The following TMEM131 variants were observed in gnomAD, a reference collection of about 807,000 sequenced individuals.
The protein encoded by TMEM131 is 2610524E03Rik.
TMEM131 carries 66 observed loss-of-function variants against 211.6 expected under a neutral mutation model. The observed-to-expected ratio is 0.31, with a 90% CI of 0.26 to 0.38. TMEM131 has a LOEUF of 0.38. TMEM131 is among the 10% of genes least tolerant of loss of function. The pLI, the probability that TMEM131 is intolerant of heterozygous loss-of-function variation, is 1.00. For missense variants in TMEM131, 2,036 were observed against 2,299.3 expected, an observed-to-expected ratio of 0.89 and a Z score of 2.34; for synonymous variants, 844 against 841.3, an observed-to-expected ratio of 1.00 and a Z score of -0.06.
intron 1 of TMEM131, among the ~76,000 whole-genome samples, chr2:97,978,412 T>C (rs1033775178): frequency 3.3e-5 from 5 of 152,202 alleles, no homozygotes; most frequent in Non-Finnish European, 7.3e-5. Flanking sequence ...GCAATTCAGT[T>C]ACATCTTCAG....
At chr2:97,961,147 A>C (rs1218851867) in intron 1 of TMEM131, among the ~76,000 whole-genome samples, 2 of 152,102 alleles carry the variant, frequency 1.3e-5, no homozygotes, top group Non-Finnish European at 2.9e-5. Flanking sequence ...AAAAAAAAAA[A>C]AGGTGCTATT....
intron 4 of TMEM131, among the ~76,000 whole-genome samples, chr2:97,866,353 ATCT>A (rs1674271978): frequency 6.6e-6 from 1 of 152,222 alleles, no homozygotes; most frequent in Non-Finnish European, 1.5e-5. Flanking sequence ...TTGCCCTGTA[ATCT>A]TCTTTCTATA....
intron 2 of TMEM131, among the ~76,000 whole-genome samples, chr2:97,926,670 A>G (rs1202281938): frequency 6.6e-6 from 1 of 152,190 alleles, no homozygotes; most frequent in African/African-American, 2.4e-5. Context: ...CAAGCATCTG[A>G]GCAGATCCAA....
intron 31 of TMEM131, among the ~76,000 whole-genome samples, chr2:97,791,247 G>A (rs554378716): frequency 1.1e-4 from 16 of 152,362 alleles, no homozygotes; most frequent in African/African-American, 3.8e-4. Context: ...CAAGCTCCCA[G>A]TGGTGCCCAC....
chr2:97,986,523 C>T (rs555773611), intron 1 of TMEM131, among the ~76,000 whole-genome samples: 3 of 152,212 alleles, frequency 2.0e-5, no homozygotes, highest in African/African-American at 7.2e-5. Flanking sequence ...GGACCTAATT[C>T]CTTGCCTGTT....
chr2:97,858,935 C>T (rs1320516240), intron 5 of TMEM131, among the ~76,000 whole-genome samples: 3 of 152,182 alleles, frequency 2.0e-5, no homozygotes, highest in Non-Finnish European at 4.4e-5. Flanking sequence ...TTACAGTTTA[C>T]AGAACTGTGT....
rs1678889137 is a variant in TMEM131 at position 97,762,165 on chromosome 2, G to C, written c.4759C>G (p.Leu1587Val). 3.1e-6 allele frequency: 5 copies of C among 1,613,974 alleles called. No homozygotes were observed. Among genetic ancestry groups the C allele is most frequent in the Non-Finnish European group, 4.2e-6 (5 of 1,179,884 alleles). Residue 1587 changes from leucine to valine, a missense_variant, in exon 36 of 41, where the codon CTC becomes GTC. This residue lies in a region of TMEM131 where 1,623 missense variants were observed against 1,805.9 expected (regional missense o/e 0.90). Transcript: ENST00000186436. ...TGTTTTAAGAAAATGTCTGCGTTGAGGGTTTGCAGAGAAAGTTTATAAAGA... is the reference window on the plus strand; with the variant it reads ...TGTTTTAAGAAAATGTCTGCGTTGACGGTTTGCAGAGAAAGTTTATAAAGA... ...DSLYKLSLQT[L>V]NADIFLKQRQ...
Position 97,803,615 on chromosome 2 carries a change from A to G in TMEM131, c.2403-825T>C, listed in dbSNP as rs79034007. 3.5e-3 allele frequency among the ~76,000 whole-genome samples: 526 copies of G among 152,354 alleles called. 8 individuals are homozygous for G. In the East Asian group the frequency reaches 0.042, roughly 12 times the overall value. Reference sequence around the variant, plus strand: ...AATACTGGTAAGAGTACAAGTTTATATGACTAGTAGCAGAAATCCTCTGTA... The same window carrying G: ...AATACTGGTAAGAGTACAAGTTTATGTGACTAGTAGCAGAAATCCTCTGTA... On this transcript the variant is annotated intron_variant, in intron 22 of 40. Coordinates refer to ENST00000186436, the MANE Select transcript of TMEM131 (RefSeq NM_015348.2).
At chr2:97,781,129 C>T (rs573483958) in intron 31 of TMEM131, among the ~76,000 whole-genome samples, 1 of 152,186 alleles carries the variant, frequency 6.6e-6, no homozygotes, top group African/African-American at 2.4e-5. Context: ...TGCCCCTTTC[C>T]AGGCTCCCGG....
At chr2:97,859,184 T>C in intron 5 of TMEM131, 120 bp downstream of exon 5, 1 of 1,116,440 alleles carries the variant, frequency 9.0e-7, no homozygotes, top group Non-Finnish European at 1.3e-6. Flanking sequence ...GTGAAACAAA[T>C]CTAGGAACAG....
rs548756577 is a variant in TMEM131 at position 97,802,448 on chromosome 2, A to G, written c.2631T>C (p.Phe877=). 2.1e-5 allele frequency: 34 copies of G among 1,608,624 alleles called. No individual in the cohort carries two copies. The Admixed American group carries it at 3.1e-4, about 14-fold the overall frequency. The change falls in exon 24 of 41, where the codon TTT becomes TTC. Residue 877 remains phenylalanine, a synonymous_variant. Transcript: ENST00000186436. ...CTTACCTTGATACTAACTTATCTAC[A>G]AACACTGAAGGGTTGGAATATAAAG... ...PLALYSNPSV[F]VDKLVSRFNL...
intron 4 of TMEM131, among the ~76,000 whole-genome samples, chr2:97,886,721 G>T (rs2104248146): frequency 6.6e-6 from 1 of 152,292 alleles, no homozygotes. Context: ...TAAAACGCAG[G>T]GCTGTTACTC....
chr2:97,767,885 C>A (rs1231536307), intron 33 of TMEM131, among the ~76,000 whole-genome samples: 1 of 152,204 alleles, frequency 6.6e-6, no homozygotes, highest in East Asian at 1.9e-4. Flanking sequence ...CAGAGGCAAT[C>A]TGCTGTGCTC....
intron 18 of TMEM131, among the ~76,000 whole-genome samples, chr2:97,810,096 T>C (rs1681484155): frequency 1.3e-5 from 2 of 152,110 alleles, no homozygotes; most frequent in Admixed American, 6.5e-5. Flanking sequence ...AAATAATCTA[T>C]AAAAATAGAT....
intron 11 of TMEM131, chr2:97,827,445 TA>T (rs1172755287): frequency 9.6e-7 from 1 of 1,042,678 alleles, no homozygotes; most frequent in African/African-American, 1.6e-5. Context: ...CCGAAGTGGC[TA>T]ACCAAGAAAC....
intron 11 of TMEM131, among the ~76,000 whole-genome samples, chr2:97,830,141 A>AAAAAC (rs1682595450): frequency 6.7e-6 from 1 of 149,934 alleles, no homozygotes; most frequent in Non-Finnish European, 1.5e-5. Flanking sequence ...TTAAAAAAAA[A>AAAAAC]AAAAAAAAAA....
chr2:97,833,350 GA>G lies in TMEM131; in HGVS notation c.1074+14del, dbSNP rs1375254634. ...AGAATATATAAATTAGGGGAAAAAA[GA>G]AGTAAAAACTTACTGTTATTGGTAC... On this transcript the variant is annotated intron_variant, in intron 11 of 40. Coordinates refer to ENST00000186436, the MANE Select transcript of TMEM131 (RefSeq NM_015348.2). 8.7e-7 allele frequency: 1 copy of G among 1,143,976 alleles called. No homozygotes were observed. The highest frequency in any genetic ancestry group is 1.3e-6 in the Non-Finnish European group (1 of 796,284). The allele number at this position is 1,143,976 out of a possible 1,614,324, so 70.9% of individuals were successfully genotyped here.
chr2:97,825,097 C>A lies in TMEM131; in HGVS notation c.1075-6376G>T, dbSNP rs145774473. ...TTGTCTTTGAGGATCCCACAGACCA[C>A]ATGTCCCAACTTATGTGGACGGTCT... On this transcript the variant is annotated intron_variant, in intron 11 of 40. Transcript: ENST00000186436. Among the ~76,000 whole-genome samples, 362 of 152,324 alleles carry A rather than the reference C, an allele frequency of 2.4e-3. 2 individuals are homozygous for A. Among genetic ancestry groups the A allele is most frequent in the African/African-American group, 8.5e-3 (352 of 41,566 alleles).
chr2:97,811,371 G>A, intron 17 of TMEM131, 139 bp from the exon 18 acceptor site: 1 of 668,204 alleles, frequency 1.5e-6, no homozygotes, highest in Non-Finnish European at 2.7e-6. Flanking sequence ...CCATATCACT[G>A]TGTACAAATA....
Sources: gnomAD v4.1 joint callset for allele counts (sites outside exome capture counted in the v4.1 genomes callset) on GRCh38, gnomAD v4.1.1 for gene constraint, gnomAD v4.1.1 regional missense constraint, MANE v1.5 for transcripts, NCBI Gene and HGNC (gene_info 2026-07-23, HGNC 2026-07-21) for gene names.